The following MBOAT7 variants were observed in gnomAD, a reference collection of about 807,000 sequenced individuals.
The protein encoded by MBOAT7 is membrane bound acylglycerophosphatidylinositol O-acyltransferase MBOAT7.
Under a neutral mutation model 47.4 loss-of-function variants are expected in MBOAT7, and 40 were observed. The observed-to-expected ratio is 0.84, with a 90% CI of 0.66 to 1.10. MBOAT7 has a LOEUF of 1.10. Among genes scored for constraint, MBOAT7 ranks in the 50% least tolerant of loss-of-function variants. MBOAT7 has a pLI of 0.00. For missense variants in MBOAT7, 680 were observed against 655.6 expected, an observed-to-expected ratio of 1.04 and a Z score of -0.41; for synonymous variants, 361 against 292.0, an observed-to-expected ratio of 1.24 and a Z score of -2.41.
At chr19:54,183,283 A>C (rs1298939389) in intron 5 of MBOAT7, among the ~76,000 whole-genome samples, 6 of 152,212 alleles carry the variant, frequency 3.9e-5, no homozygotes, top group African/African-American at 1.4e-4. Flanking sequence ...CTTTGCTCCC[A>C]ATACGCTACA....
intron 1 of MBOAT7, 114 bp from the exon 2 acceptor site, chr19:54,188,625 G>A: frequency 2.1e-6 from 2 of 967,990 alleles, no homozygotes; most frequent in Non-Finnish European, 3.1e-6. Context: ...TGAGGATGAT[G>A]GAGTATGAGC....
intron 7 of MBOAT7, among the ~76,000 whole-genome samples, chr19:54,177,921 TTTTTTTTTTGAGACGGAGTCTCGC>T: frequency 2.2e-5 from 2 of 92,794 alleles, no homozygotes; most frequent in Admixed American, 2.2e-4. Context: ...TTTTTTTTTT[TTTTTTTTTTGAGACGGAGTCTCGC>T]TGTCGCCCAG....
At chr19:54,188,713 C>T (rs1242721572) in intron 1 of MBOAT7, among the ~76,000 whole-genome samples, 1 of 152,138 alleles carries the variant, frequency 6.6e-6, no homozygotes, top group Non-Finnish European at 1.5e-5. Flanking sequence ...AATCCACCCC[C>T]AGCCCCTCCT....
In MBOAT7 at chr19:54,188,413, GGGGA is replaced by G; in HGVS notation, c.76+16_76+19del. The G allele has an allele frequency of 6.4e-7, 1 of 1,573,916 alleles. No individual in the cohort carries two copies. The highest frequency in any genetic ancestry group is 1.1e-5 in the South Asian group (1 of 87,284). On this transcript the variant is annotated intron_variant, in intron 2 of 7. Transcript: ENST00000245615. ...GGGTCCCCCCCCTTTATTTTCCACT[GGGGA>G]GGGAGCCTGACTCACCGGCTTTCTT... is the stretch of plus-strand genomic sequence containing the variant.
At chr19:54,175,114 T>C (rs1023693672) in intron 7 of MBOAT7, among the ~76,000 whole-genome samples, 11 of 151,984 alleles carry the variant, frequency 7.2e-5, no homozygotes, top group Non-Finnish European at 1.3e-4. Context: ...TAGCTGGGAC[T>C]ACAGGCGCCT....
At chr19:54,176,916 T>A (rs1024163607) in intron 7 of MBOAT7, among the ~76,000 whole-genome samples, 10 of 151,204 alleles carry the variant, frequency 6.6e-5, no homozygotes, top group Middle Eastern at 3.4e-3. Flanking sequence ...AAAAAAAAAA[T>A]AATAATAATA....
At chr19:54,175,361 A>G (rs1056516311) in intron 7 of MBOAT7, among the ~76,000 whole-genome samples, 4 of 151,932 alleles carry the variant, frequency 2.6e-5, no homozygotes, top group Non-Finnish European at 5.9e-5. Flanking sequence ...CCTTGTCCCC[A>G]CCCCTTTTGC....
chr19:54,187,138 G>A, intron 4 of MBOAT7, 23 bp downstream of exon 4: 1 of 1,544,692 alleles, frequency 6.5e-7, no homozygotes, highest in Non-Finnish European at 8.7e-7. Context: ...GGCTGGAGGG[G>A]AGTGGCAAGC....
chr19:54,174,541 G>T (rs2076024404), intron 7 of MBOAT7, 110 bp from the exon 8 acceptor site: 1 of 1,143,494 alleles, frequency 8.7e-7, no homozygotes, highest in Non-Finnish European at 1.2e-6. Flanking sequence ...ACCGAGAAGT[G>T]CAGGCCCAGC....
rs1324631967 is a variant in MBOAT7 at position 54,188,239 on chromosome 19, CCCAGGT to C, written c.178_183del (p.Thr60_Trp61del). 1 of 1,613,166 alleles carries C rather than the reference CCCAGGT, an allele frequency of 6.2e-7. No individual in the cohort carries two copies. Among genetic ancestry groups the C allele is most frequent in the African/African-American group, 1.3e-5 (1 of 74,856 alleles). On this transcript the variant is annotated inframe_deletion, in exon 3 of 8. Transcript: ENST00000245615. ...CACCAGGGCTGGGCCTGAATGAGGG[CCCAGGT>C]CCCGAGGATGGTGACCAGAGAATGC...
At chr19:54,185,082 C>A (rs969190580) in intron 4 of MBOAT7, among the ~76,000 whole-genome samples, 1 of 145,152 alleles carries the variant, frequency 6.9e-6, no homozygotes, top group South Asian at 2.2e-4. Flanking sequence ...TGGTGGTGGG[C>A]GCCTGTAGTC....
intron 3 of MBOAT7, among the ~76,000 whole-genome samples, 176 bp downstream of exon 3, chr19:54,188,041 G>C (rs1022852806): frequency 0.4 from 58,706 of 147,978 alleles, 12,754 homozygotes; most frequent in East Asian, 0.57. Flanking sequence ...AAGAAAGAAA[G>C]AAAGAAAGAA....
At chr19:54,183,489 A>G (rs1014792215) in intron 5 of MBOAT7, 32 bp downstream of exon 5, 5 of 1,599,390 alleles carry the variant, frequency 3.1e-6, no homozygotes, top group African/African-American at 2.7e-5. Context: ...CAGGAGACAG[A>G]GCGGCAGAGT....
chr19:54,174,128 C>G lies in MBOAT7; in HGVS notation c.1335G>C (p.Leu445=). Residue 445 remains leucine (L), a synonymous_variant, in exon 8 of 8, where the codon CTG becomes CTC. Coordinates refer to ENST00000245615, the MANE Select transcript of MBOAT7 (RefSeq NM_024298.5). ...FLALAALGLG[L]ALGGGSPSRR... ...GGCTGGGGCTGCCCCCACCTAAAGC[C>G]AGCCCCAGCCCCAGGGCTGCCAGGG... The G allele has an allele frequency of 1.9e-6, 3 of 1,599,332 alleles. No homozygotes were observed. Among genetic ancestry groups the G allele is most frequent in the Non-Finnish European group, 2.6e-6 (3 of 1,174,030 alleles).
intron 6 of MBOAT7, chr19:54,179,158 A>C: frequency 1.7e-6 from 1 of 598,722 alleles, no homozygotes; most frequent in South Asian, 2.1e-5. Context: ...GTCCACTGAC[A>C]ATGGGGTTCT....
intron 4 of MBOAT7, among the ~76,000 whole-genome samples, chr19:54,183,905 C>T (rs539218538): frequency 2.6e-5 from 4 of 152,290 alleles, no homozygotes; most frequent in South Asian, 2.1e-4. Context: ...CACGCAATCA[C>T]GGAGGTTTCG....
Position 54,174,185 on chromosome 19 carries a change from C to T in MBOAT7, c.1278G>A (p.Trp426Ter). Reference sequence around the variant, plus strand: ...AGTGGATACAGAAGTAGATGGAGGCCCAGTACCGAAGGGTGTCGGCCAAGG... The same window carrying T: ...AGTGGATACAGAAGTAGATGGAGGCTCAGTACCGAAGGGTGTCGGCCAAGG... Reference protein sequence around the residue: ...LLSLADTLRYWASIYFCIHFL... With the variant: ...LLSLADTLRY Residue 426 changes from tryptophan (W) to a stop codon, truncating the protein, a stop_gained, in exon 8 of 8, where the codon TGG becomes TGA. Transcript: ENST00000245615. LOFTEE classifies it high-confidence loss of function. The T allele has an allele frequency of 5.6e-6, 9 of 1,600,672 alleles. No homozygotes were observed. The highest frequency in any genetic ancestry group is 6.8e-6 in the Non-Finnish European group (8 of 1,172,626).
intron 4 of MBOAT7, among the ~76,000 whole-genome samples, chr19:54,185,695 T>C (rs950279223): frequency 6.8e-6 from 1 of 146,408 alleles, no homozygotes; most frequent in East Asian, 1.9e-4. Flanking sequence ...TTCTTTCTTT[T>C]CTTTTCTTTT....
chr19:54,178,437 G>C (rs952770845), intron 7 of MBOAT7: 6 of 1,285,832 alleles, frequency 4.7e-6, no homozygotes, highest in Non-Finnish European at 5.9e-6. Context: ...GCAACTAAGA[G>C]GTCAACTAAC....
Sources: allele counts gnomAD v4.1 joint callset (sites outside exome capture counted in the v4.1 genomes callset), GRCh38; gene constraint gnomAD v4.1.1; transcripts MANE v1.5; gene names NCBI Gene and HGNC (gene_info 2026-07-23, HGNC 2026-07-21).